MYO18A: variants seen among roughly 807,000 people sequenced by gnomAD.
MYO18A encodes the protein myosin XVIIIA.
Under a neutral mutation model 235.8 loss-of-function variants are expected in MYO18A, and 78 were observed. That is an observed-to-expected ratio of 0.33 (90% CI 0.28 to 0.40). The LOEUF is 0.40. Among genes scored for constraint, MYO18A ranks in the 10% least tolerant of loss-of-function variants. The pLI, the probability that MYO18A is intolerant of heterozygous loss-of-function variation, is 1.00. For synonymous variants in MYO18A, 977 were observed against 1,077.8 expected (o/e 0.91, Z 1.83); for missense variants, 2,215 against 2,699.3 (o/e 0.82, Z 3.98).
chr17:29,170,519 C>G (rs2068377355), intron 1 of MYO18A, among the ~76,000 whole-genome samples: 1 of 152,148 alleles, frequency 6.6e-6, no homozygotes, highest in Non-Finnish European at 1.5e-5. Flanking sequence ...TACCCCCTAT[C>G]CCGGGCTGCA....
rs2066383051 is a variant in MYO18A, at chr17:29,090,932, G to A, written c.5188-6C>T. 2 of 1,612,172 alleles carry A rather than the reference G, an allele frequency of 1.2e-6. No individual in the cohort carries two copies. Among genetic ancestry groups the A allele is most frequent in the Non-Finnish European group, 1.7e-6 (2 of 1,178,614 alleles). On this transcript the variant is annotated splice_polypyrimidine_tract_variant and splice_region_variant and intron_variant, in intron 34 of 41. Coordinates refer to ENST00000527372, the MANE Select transcript of MYO18A (RefSeq NM_078471.4). Reference sequence around the variant, plus strand: ...CGGCTCAGCTGCTCCTCCAGCTGGAGAGAGGCAAAGACAGATCAGAGGGCC... The same window carrying A: ...CGGCTCAGCTGCTCCTCCAGCTGGAAAGAGGCAAAGACAGATCAGAGGGCC...
intron 41 of MYO18A, chr17:29,080,738 GC>G: frequency 1.0e-6 from 1 of 985,536 alleles, no homozygotes; most frequent in Non-Finnish European, 1.2e-6. Flanking sequence ...CGGCCAGCGC[GC>G]CCCCCGGTCC....
intron 2 of MYO18A, chr17:29,133,729 G>A: frequency 1.7e-6 from 2 of 1,167,896 alleles, no homozygotes; most frequent in Non-Finnish European, 2.3e-6. Context: ...CCACAAGCCA[G>A]TCTCCTGCCT....
Position 29,121,068 on chromosome 17 carries a change from G to T in MYO18A, c.1515C>A (p.Thr505=). ...ACTGCACCAGATGCTGGCAGCTGGT[G>T]GTCTTGCCACTGCCACTACTGCCCA... The part of the protein sequence containing the change: ...ILLGSSGSGK[T]TSCQHLVQYL... Residue 505 remains threonine, a synonymous_variant, in exon 6 of 42, where the codon ACC becomes ACA. Transcript: ENST00000527372. The surrounding 1 kb of genome is among the most constrained non-coding windows in gnomAD (Gnocchi z 4.2). 1 of 1,612,896 alleles carries T rather than the reference G, an allele frequency of 6.2e-7. No individual in the cohort carries two copies. The highest frequency in any genetic ancestry group is 2.2e-5 in the East Asian group (1 of 44,832).
At chr17:29,075,165 G>T in intron 41 of MYO18A, 1 of 435,238 alleles carries the variant, frequency 2.3e-6, no homozygotes, top group Non-Finnish European at 4.3e-6. Context: ...GCGTGCATAA[G>T]AATCTGATGC....
chr17:29,161,246 T>A (rs2068165737), intron 2 of MYO18A, among the ~76,000 whole-genome samples: 1 of 150,936 alleles, frequency 6.6e-6, no homozygotes, highest in Non-Finnish European at 1.5e-5. Context: ...TCCCAGCTAC[T>A]CAGGAGGCTG....
chr17:29,172,286 C>G (rs2068423060), intron 1 of MYO18A, among the ~76,000 whole-genome samples: 1 of 152,046 alleles, frequency 6.6e-6, no homozygotes, highest in African/African-American at 2.4e-5. Flanking sequence ...CCAGCCTGGT[C>G]AACACGGTGA....
At chr17:29,129,572 A>G (rs1357389069) in intron 2 of MYO18A, among the ~76,000 whole-genome samples, 2 of 152,220 alleles carry the variant, frequency 1.3e-5, no homozygotes, top group Non-Finnish European at 2.9e-5. Flanking sequence ...CTTGTTGGCC[A>G]AGCAGAGCTC....
At chr17:29,136,250 AATATATATAT>A (rs1247592713) in intron 2 of MYO18A, among the ~76,000 whole-genome samples, 2 of 82,456 alleles carry the variant, frequency 2.4e-5, no homozygotes, top group African/African-American at 4.6e-5. Flanking sequence ...AAAAAAAAAA[AATATATATAT>A]ATATATATAT....
chr17:29,137,655 G>C (rs2067636581), intron 2 of MYO18A, among the ~76,000 whole-genome samples: 1 of 152,214 alleles, frequency 6.6e-6, no homozygotes. Context: ...AAATTGGAAA[G>C]AGCCCAAATG....
At chr17:29,096,655 G>T in intron 28 of MYO18A, 106 bp downstream of exon 28, 1 of 1,359,854 alleles carries the variant, frequency 7.4e-7, no homozygotes, top group Non-Finnish European at 9.7e-7. Context: ...AAGGCCCCTG[G>T]ACAAATTCAG....
chr17:29,096,444 G>A lies in MYO18A; in HGVS notation c.4385+317C>T, dbSNP rs1013426744. Among the ~76,000 whole-genome samples, 5 of 152,310 alleles carry A rather than the reference G, an allele frequency of 3.3e-5. No homozygotes were observed. In the South Asian group the frequency reaches 6.2e-4, roughly 19 times the overall value. On this transcript the variant is annotated intron_variant, in intron 28 of 41. Coordinates refer to ENST00000527372, the MANE Select transcript of MYO18A (RefSeq NM_078471.4). ...GGGAGAGGCAGAGCTGGGGGCTGAGGGCAGGGACATAGAGGTTCCTGCACA... is the reference window on the plus strand; with the variant it reads ...GGGAGAGGCAGAGCTGGGGGCTGAGAGCAGGGACATAGAGGTTCCTGCACA...
At chr17:29,162,764 A>G (rs2068201147) in intron 2 of MYO18A, among the ~76,000 whole-genome samples, 1 of 152,238 alleles carries the variant, frequency 6.6e-6, no homozygotes, top group Non-Finnish European at 1.5e-5. Context: ...GGATGATGGC[A>G]GAAGAAAACG....
chr17:29,136,922 C>T (rs1404855738), intron 2 of MYO18A: 1 of 152,208 alleles, frequency 6.6e-6, no homozygotes, highest in Non-Finnish European at 1.5e-5. Context: ...GGAGACCCCA[C>T]CATGATTCTG....
At position 29,120,497 on chromosome 17, in the gene MYO18A, G is replaced by T; in HGVS notation, c.1728+119C>A. 1 of 1,349,518 alleles carries T rather than the reference G, an allele frequency of 7.4e-7. No homozygotes were observed. Among genetic ancestry groups the T allele is most frequent in the Non-Finnish European group, 1.0e-6 (1 of 996,330 alleles). 83.6% of individuals were successfully genotyped at this position (1,349,518 alleles called of 1,614,324 possible). Reference sequence around the variant, plus strand: ...TGCAGGCCAACCCTGCCCATGCCTGGGTCAATTTTGTTAGGGTAGAATCCC... The same window carrying T: ...TGCAGGCCAACCCTGCCCATGCCTGTGTCAATTTTGTTAGGGTAGAATCCC... On this transcript the variant is annotated intron_variant, in intron 7 of 41. Coordinates refer to ENST00000527372, the MANE Select transcript of MYO18A (RefSeq NM_078471.4). This position sits in a 1 kb window ranked among gnomAD's most constrained non-coding sequence, Gnocchi z 4.2.
chr17:29,080,198 C>T (rs1035425538), intron 41 of MYO18A: 1 of 985,930 alleles, frequency 1.0e-6, no homozygotes, highest in Non-Finnish European at 1.2e-6. Flanking sequence ...CTGTCATCCT[C>T]CTCGGAGTCG....
In MYO18A at chr17:29,125,885, G is replaced by C. The variant is rs963621177; in HGVS notation, c.1000-3632C>G. On this transcript the variant is annotated intron_variant, in intron 2 of 41. Coordinates refer to ENST00000527372, the MANE Select transcript of MYO18A (RefSeq NM_078471.4). This position sits in a 1 kb window ranked among gnomAD's most constrained non-coding sequence, Gnocchi z 5.1. The stretch of plus-strand genomic sequence containing the variant: ...GGGACTGGGACCCACACACAAGAGT[G>C]GCATTACAGAAGCTGTGAAGATCCT... 7.1e-6 allele frequency: 7 copies of C among 985,494 alleles called. No homozygotes were observed. In the Admixed American group the frequency reaches 3.7e-4, roughly 52 times the overall value. 61.0% of individuals were successfully genotyped at this position (985,494 alleles called of 1,614,324 possible). A position where few individuals can be genotyped will look rare whatever the true frequency, so the allele number is the denominator to read the frequency against.
Position 29,098,427 on chromosome 17 carries a change from G to A in MYO18A, c.3799C>T (p.Arg1267Trp), listed in dbSNP as rs370663177. Residue 1267 changes from arginine to tryptophan, a missense_variant, in exon 24 of 42, where the codon CGG becomes TGG. Transcript: ENST00000527372. ...RNKDEEIQQL[R>W]SKLEKAEKER... ...TTCTCCGCCTTCTCGAGCTTGCTCC[G>A]CAGCTGCTGGATCTCCTCCTAGGGT... The A allele has an allele frequency of 2.1e-5, 34 of 1,613,778 alleles. No homozygotes were observed. The African/African-American group carries it at 2.8e-4, about 13-fold the overall frequency.
intron 2 of MYO18A, chr17:29,128,353 A>G: frequency 7.8e-7 from 1 of 1,280,686 alleles, no homozygotes; most frequent in South Asian, 1.2e-5. Context: ...TCCTCACTGC[A>G]TTTGCCACCC....
Sources: gnomAD v4.1 joint callset for allele counts (sites outside exome capture counted in the v4.1 genomes callset) on GRCh38, gnomAD v4.1.1 for gene constraint, Gnocchi (gnomAD v3.1) non-coding constraint, MANE v1.5 for transcripts, NCBI Gene and HGNC (gene_info 2026-07-23, HGNC 2026-07-21) for gene names.